Variants in LUC7L3 observed in about 807,000 individuals in gnomAD.
LUC7L3 encodes LUC7 like 3 pre-mRNA splicing factor.
In LUC7L3, 6 loss-of-function variants were observed where a neutral mutation model predicts 66.8. The observed-to-expected ratio is 0.09, with a 90% confidence interval of 0.05 to 0.18. LUC7L3 has a LOEUF of 0.18. Ranked by LOEUF, LUC7L3 falls within the 10% of genes least tolerant of loss-of-function variation. The pLI is 1.00. For synonymous variants in LUC7L3, 160 were observed against 174.7 expected, an observed-to-expected ratio of 0.92 and a Z score of 0.66; for missense variants, 341 against 531.1, an observed-to-expected ratio of 0.64 and a Z score of 3.52.
At chr17:50,721,325 T>A (rs1436188618) in intron 1 of LUC7L3, among the ~76,000 whole-genome samples, 3 of 152,174 alleles carry the variant, frequency 2.0e-5, no homozygotes, top group African/African-American at 7.2e-5. Flanking sequence ...TTTGAACACG[T>A]TTTAGAGAAA....
In LUC7L3 at chr17:50,750,691, A is replaced by C; in HGVS notation, c.*30A>C. ...GATCTGATAAGACCTCAGATCAGACAGAGGTAAGTGTATTGTTTCTCACTT... is the reference window on the plus strand; with the variant it reads ...GATCTGATAAGACCTCAGATCAGACCGAGGTAAGTGTATTGTTTCTCACTT... On this transcript the variant is annotated 3_prime_UTR_variant, in exon 10 of 10. Transcript: ENST00000505658. 6.2e-7 allele frequency: 1 copy of C among 1,613,954 alleles called. No homozygotes were observed. The highest frequency in any genetic ancestry group is 8.5e-7 in the Non-Finnish European group (1 of 1,179,864).
intron 1 of LUC7L3, among the ~76,000 whole-genome samples, chr17:50,733,462 C>A (rs1327282502): frequency 7.9e-6 from 1 of 125,978 alleles, no homozygotes; most frequent in East Asian, 2.5e-4. Context: ...AGTGCAGTGG[C>A]GCCATCTTGG....
At chr17:50,723,186 T>C (rs1284412539) in intron 1 of LUC7L3, 1 of 152,258 alleles carries the variant, frequency 6.6e-6, no homozygotes, top group Non-Finnish European at 1.5e-5. Context: ...ATTGAGGTTT[T>C]TATATTCTAG....
intron 6 of LUC7L3, 85 bp from the exon 7 acceptor site, chr17:50,744,566 AG>A: frequency 8.0e-7 from 1 of 1,257,098 alleles, no homozygotes. Context: ...CACACACATT[AG>A]AAATCTTTTC....
chr17:50,750,376 AC>A (rs1970921935), intron 9 of LUC7L3, 124 bp from the exon 10 acceptor site: 1 of 871,932 alleles, frequency 1.1e-6, no homozygotes, highest in Admixed American at 2.8e-5. Flanking sequence ...AATTCACCAA[AC>A]CGTTGCTTGC....
In LUC7L3 at chr17:50,719,645, G is replaced by A. The variant is rs1160154911; in HGVS notation, c.-88G>A. ...GTGTAGGAGGGATTTCGGCCTGAGAGCGGGCCGAGGAGATTGGCGACGGTG... is the reference window on the plus strand; with the variant it reads ...GTGTAGGAGGGATTTCGGCCTGAGAACGGGCCGAGGAGATTGGCGACGGTG... On this transcript the variant is annotated 5_prime_UTR_variant, in exon 1 of 10. Transcript: ENST00000505658. 3 of 1,123,760 alleles carry A rather than the reference G, an allele frequency of 2.7e-6. No homozygotes were observed. Among genetic ancestry groups the A allele is most frequent in the East Asian group, 2.6e-5 (1 of 38,754 alleles). 69.6% of individuals were successfully genotyped at this position (1,123,760 alleles called of 1,614,324 possible).
intron 2 of LUC7L3, 151 bp from the exon 3 acceptor site, chr17:50,740,155 G>T (rs1224435654): frequency 3.3e-6 from 2 of 604,416 alleles, no homozygotes; most frequent in Non-Finnish European, 5.7e-6. Flanking sequence ...GATGCTTCAT[G>T]ATTTAGTAGG....
At position 50,744,732 on chromosome 17, in the gene LUC7L3, C is replaced by T. The variant is rs1349255297; in HGVS notation, c.612C>T (p.Ala204=). The change falls in exon 7 of 10, where the codon GCC becomes GCT. Residue 204 remains alanine, a synonymous_variant. Coordinates refer to ENST00000505658, the MANE Select transcript of LUC7L3 (RefSeq NM_016424.5). The part of the protein sequence containing the change: ...VCGAFLIVGD[A]QSRVDDHLMG... ...GAGCCTTTTTAATAGTAGGAGATGC[C>T]CAGTCCCGGGTAGATGACCATTTGA... 1.2e-6 allele frequency: 2 copies of T among 1,613,976 alleles called. No homozygotes were observed. Among genetic ancestry groups the T allele is most frequent in the African/African-American group, 1.3e-5 (1 of 75,008 alleles).
In LUC7L3 at chr17:50,750,418, T is replaced by C. The variant is rs1433797868; in HGVS notation, c.1139-83T>C. The C allele has an allele frequency of 2.6e-5, 33 of 1,283,302 alleles. No homozygotes were observed. In the South Asian group the frequency reaches 4.3e-4, roughly 17 times the overall value. 79.5% of individuals were successfully genotyped at this position (1,283,302 alleles called of 1,614,324 possible). A position where few individuals can be genotyped will look rare whatever the true frequency, so the allele number is the denominator to read the frequency against. ...GTGGGAAATGATTGTCTCTCATCTC[T>C]CAGTTGTTTCACTTTTTTTCAAAAT... On this transcript the variant is annotated intron_variant, in intron 9 of 9. Coordinates refer to ENST00000505658, the MANE Select transcript of LUC7L3 (RefSeq NM_016424.5).
chr17:50,730,667 G>A (rs1969544802), intron 1 of LUC7L3, among the ~76,000 whole-genome samples: 1 of 152,106 alleles, frequency 6.6e-6, no homozygotes, highest in African/African-American at 2.4e-5. Flanking sequence ...TGGGCCTGGT[G>A]CTGTGGCTCA....
At chr17:50,742,292 C>T (rs1567872842) in intron 5 of LUC7L3, among the ~76,000 whole-genome samples, 1 of 152,128 alleles carries the variant, frequency 6.6e-6, no homozygotes, top group African/African-American at 2.4e-5. Flanking sequence ...ATTGCACAAC[C>T]ACTTTGGAAA....
In LUC7L3 at chr17:50,745,921, C is replaced by T; in HGVS notation, c.895C>T (p.His299Tyr). The change falls in exon 8 of 10, where the codon CAC becomes TAC. Residue 299 changes from histidine to tyrosine, a missense_variant. Coordinates refer to ENST00000505658, the MANE Select transcript of LUC7L3 (RefSeq NM_016424.5). Reference sequence around the variant, plus strand: ...AAAGAGAAGTCGTTCACGAAGTAGACACTCAAGCCGAACATCAGACAGAAG... The same window carrying T: ...AAAGAGAAGTCGTTCACGAAGTAGATACTCAAGCCGAACATCAGACAGAAG... ...RRKRSRSRSR[H>Y]SSRTSDRRCS... 1 of 1,613,436 alleles carries T rather than the reference C, an allele frequency of 6.2e-7. No individual in the cohort carries two copies. The highest frequency in any genetic ancestry group is 8.5e-7 in the Non-Finnish European group (1 of 1,179,814).
In LUC7L3 at chr17:50,745,932, A is replaced by C; in HGVS notation, c.906A>C (p.Arg302=). 7.4e-6 allele frequency: 12 copies of C among 1,613,544 alleles called. No homozygotes were observed. The highest frequency in any genetic ancestry group is 9.3e-6 in the Non-Finnish European group (11 of 1,179,882). ...GTTCACGAAGTAGACACTCAAGCCG[A>C]ACATCAGACAGAAGATGCAGCAGGT... ...RSRSRSRHSS[R]TSDRRCSRSR... is the part of the protein sequence containing the mutation. Residue 302 remains arginine (R), a synonymous_variant, in exon 8 of 10, where the codon CGA becomes CGC. Transcript: ENST00000505658.
rs1970975959 is a variant in LUC7L3 at position 50,751,580 on chromosome 17, C to A, written c.*919C>A. On this transcript the variant is annotated 3_prime_UTR_variant, in exon 10 of 10. Coordinates refer to ENST00000505658, the MANE Select transcript of LUC7L3 (RefSeq NM_016424.5). ...TGCAGTGGTGGCCAGAATTAGATAT[C>A]TTTAAAGAATTTTAAATACAATAAA... 2 of 1,148,786 alleles carry A rather than the reference C, an allele frequency of 1.7e-6. No individual in the cohort carries two copies. The highest frequency in any genetic ancestry group is 2.2e-6 in the Non-Finnish European group (2 of 920,918). The allele number at this position is 1,148,786 out of a possible 1,614,324, so 71.2% of individuals were successfully genotyped here.
At chr17:50,746,745 A>G in intron 9 of LUC7L3, 43 bp downstream of exon 9, 1 of 1,562,464 alleles carries the variant, frequency 6.4e-7, no homozygotes, top group South Asian at 1.2e-5. Context: ...AACTTTTCAC[A>G]CCCTAATCGC....
intron 1 of LUC7L3, chr17:50,722,638 T>C (rs1158766314): frequency 2.0e-5 from 3 of 152,266 alleles, no homozygotes; most frequent in African/African-American, 7.2e-5. Flanking sequence ...CTGTACTTTT[T>C]TCTCCTTTTC....
At chr17:50,743,883 C>T in intron 6 of LUC7L3, 73 bp downstream of exon 6, 5 of 1,102,030 alleles carry the variant, frequency 4.5e-6, no homozygotes, top group South Asian at 1.4e-5. Context: ...TATTTGAGAA[C>T]CTTTGAAAAC....
At position 50,754,658 on chromosome 17, in the gene LUC7L3, C is replaced by T. The variant is rs979250909; in HGVS notation, c.*3997C>T. On this transcript the variant is annotated 3_prime_UTR_variant, in exon 10 of 10. Coordinates refer to ENST00000505658, the MANE Select transcript of LUC7L3 (RefSeq NM_016424.5). ...TTTTTGTTAAAACGTTTTTTTTTCC[C>T]CTTCAAACACAGTCCATTCATTTTT... 1.3e-5 allele frequency: 2 copies of T among 151,896 alleles called. No homozygotes were observed. The highest frequency in any genetic ancestry group is 1.3e-4 in the Admixed American group (2 of 15,244). The allele number at this position is 151,896 out of a possible 1,614,324, so 9.4% of individuals were successfully genotyped here. A position where few individuals can be genotyped will look rare whatever the true frequency, so the allele number is the denominator to read the frequency against.
At chr17:50,726,817 C>T (rs1209305780) in intron 1 of LUC7L3, among the ~76,000 whole-genome samples, 1 of 152,044 alleles carries the variant, frequency 6.6e-6, no homozygotes, top group Non-Finnish European at 1.5e-5. Flanking sequence ...TAGCCAGGCA[C>T]GGTGGCTTAC....
Sources: gnomAD v4.1 joint callset for allele counts (sites outside exome capture counted in the v4.1 genomes callset) on GRCh38, gnomAD v4.1.1 for gene constraint, MANE v1.5 for transcripts, NCBI Gene and HGNC (gene_info 2026-07-23, HGNC 2026-07-21) for gene names.